Variants in LINS1 observed in about 807,000 individuals in gnomAD.
LINS1 encodes the protein protein Lines homolog 1.
In LINS1, 27 loss-of-function variants were observed where a neutral mutation model predicts 41.6. The ratio of observed to expected loss-of-function variants is 0.65; its 90% CI spans 0.48 to 0.89. The LOEUF (loss-of-function observed/expected upper bound fraction) is 0.89, where lower values mean the gene tolerates loss of function less well. Ranked by LOEUF, LINS1 falls within the 40% of genes least tolerant of loss-of-function variation. The pLI is 0.00. For missense variants in LINS1, 955 were observed against 884.1 expected, an observed-to-expected ratio of 1.08 and a Z score of -1.02; for synonymous variants, 336 against 312.9, an observed-to-expected ratio of 1.07 and a Z score of -0.78.
intron 1 of LINS1, among the ~76,000 whole-genome samples, chr15:100,595,418 C>T (rs1263432892): frequency 6.6e-6 from 1 of 151,954 alleles, no homozygotes; most frequent in Non-Finnish European, 1.5e-5. Context: ...GGCAAATAAT[C>T]CCACAGAAAG....
chr15:100,593,286 T>C (rs2039115024), intron 1 of LINS1, among the ~76,000 whole-genome samples: 1 of 152,202 alleles, frequency 6.6e-6, no homozygotes, highest in African/African-American at 2.4e-5. Context: ...GTGTTTTCTC[T>C]TGGCAGAGGA....
intron 1 of LINS1, among the ~76,000 whole-genome samples, chr15:100,594,875 T>A (rs1284053860): frequency 1.3e-5 from 2 of 152,116 alleles, no homozygotes; most frequent in Non-Finnish European, 2.9e-5. Flanking sequence ...AATCCGTGGA[T>A]ATGGAGGGCT....
intron 1 of LINS1, among the ~76,000 whole-genome samples, chr15:100,586,927 A>C (rs1415902654): frequency 1.3e-5 from 2 of 152,050 alleles, no homozygotes; most frequent in African/African-American, 2.4e-5. Context: ...CTTGGGAGCC[A>C]AGGCGGGCAG....
intron 1 of LINS1, among the ~76,000 whole-genome samples, chr15:100,587,281 T>TG (rs2038850803): frequency 1.3e-5 from 2 of 151,728 alleles, no homozygotes; most frequent in African/African-American, 4.8e-5. Flanking sequence ...TCACACTATG[T>TG]CTACTGTTTT....
At chr15:100,573,238 G>T in intron 5 of LINS1, 3 of 356,304 alleles carry the variant, frequency 8.4e-6, no homozygotes, top group Non-Finnish European at 1.2e-5. Context: ...CTCCCAGGTT[G>T]GGACAGGAGG....
intron 1 of LINS1, 104 bp from the exon 2 acceptor site, chr15:100,581,049 T>C: frequency 2.0e-6 from 1 of 500,574 alleles, no homozygotes; most frequent in South Asian, 3.5e-5. Flanking sequence ...TTAAAGGGGA[T>C]GCTGACTGCT....
chr15:100,579,470 GA>G (rs368732443), intron 3 of LINS1, among the ~76,000 whole-genome samples: 1,635 of 139,354 alleles, frequency 0.012, 31 homozygotes, highest in African/African-American at 0.038. Context: ...TGACAGTAAA[GA>G]AAAAAAAAAG....
chr15:100,583,047 T>C (rs2038637657), intron 1 of LINS1, among the ~76,000 whole-genome samples: 1 of 151,986 alleles, frequency 6.6e-6, no homozygotes. Context: ...CCCACCAGCC[T>C]AGTCTTGGTC....
intron 1 of LINS1, among the ~76,000 whole-genome samples, chr15:100,592,269 T>G (rs1347389231): frequency 6.6e-6 from 1 of 152,230 alleles, no homozygotes; most frequent in African/African-American, 2.4e-5. Context: ...TTGTATGTTT[T>G]GTGTGTCTTC....
At chr15:100,574,878 A>T (rs776363397) in intron 4 of LINS1, 109 bp downstream of exon 4, 73 of 1,159,500 alleles carry the variant, frequency 6.3e-5, no homozygotes, top group Non-Finnish European at 8.2e-5. Flanking sequence ...TGACTTTTTC[A>T]TTACTTTAAG....
intron 1 of LINS1, among the ~76,000 whole-genome samples, chr15:100,595,932 G>GA (rs2039224309): frequency 1.3e-5 from 2 of 152,174 alleles, no homozygotes; most frequent in African/African-American, 2.4e-5. Context: ...ACTTTTCACA[G>GA]AAAAAATAAA....
intron 3 of LINS1, 62 bp downstream of exon 3, chr15:100,580,201 C>A: frequency 7.8e-7 from 1 of 1,285,812 alleles, no homozygotes; most frequent in Non-Finnish European, 1.1e-6. Flanking sequence ...CTCCACAAAA[C>A]ATTTAAATTT....
Position 100,569,700 on chromosome 15 carries a change from C to T in LINS1, c.1812G>A (p.Val604=). 1 of 1,613,860 alleles carries T rather than the reference C, an allele frequency of 6.2e-7. No individual in the cohort carries two copies. The highest frequency in any genetic ancestry group is 8.5e-7 in the Non-Finnish European group (1 of 1,179,864). Residue 604 remains valine, a synonymous_variant, in exon 7 of 7, where the codon GTG becomes GTA. Transcript: ENST00000314742. ...ACATGGTGTGAGCCCCCTTGGACAT[C>T]ACAGCTTTCAGTGGTTCAGAGGGAG... ...SDAPSEPLKA[V]MSKGAHTMCA... is the part of the protein sequence containing the mutation.
intron 1 of LINS1, among the ~76,000 whole-genome samples, chr15:100,598,665 G>A (rs1168226331): frequency 4.6e-5 from 7 of 152,202 alleles, no homozygotes; most frequent in Non-Finnish European, 1.0e-4. Flanking sequence ...TTGCTGTGAT[G>A]ACCAAGGTCT....
rs1356787604 is a variant in LINS1, at chr15:100,568,844, G to A, written c.*394C>T. 2.2e-5 allele frequency: 4 copies of A among 181,872 alleles called. 1 individual carries two copies. The South Asian group carries it at 4.4e-4, about 20-fold the overall frequency. The allele number at this position is 181,872 out of a possible 1,614,324, so 11.3% of individuals were successfully genotyped here. On this transcript the variant is annotated 3_prime_UTR_variant, in exon 7 of 7. Coordinates refer to ENST00000314742, the MANE Select transcript of LINS1 (RefSeq NM_001040616.3). ...AGTAAGAACTTGTCTAGAAAACCCA[G>A]CCGGGCACAGTGGCTCATGCCTGTA...
chr15:100,578,406 C>T (rs2038320435), intron 3 of LINS1, among the ~76,000 whole-genome samples: 1 of 151,856 alleles, frequency 6.6e-6, no homozygotes, highest in African/African-American at 2.4e-5. Context: ...TTTATGCAGC[C>T]AACAGACACA....
rs570884212 is a variant in LINS1, at chr15:100,575,320, T to A, written c.490-192A>T. Among the ~76,000 whole-genome samples the A allele has an allele frequency of 8.1e-4, 122 of 151,214 alleles. 1 individual carries two copies. Among genetic ancestry groups the A allele is most frequent in the African/African-American group, 1.1e-3 (44 of 41,174 alleles). ...ATGCCACAGAAATAAAATAAAGGGATGGAGGAAGATCTACCAAGCAAATGG... is the reference window on the plus strand; with the variant it reads ...ATGCCACAGAAATAAAATAAAGGGAAGGAGGAAGATCTACCAAGCAAATGG... On this transcript the variant is annotated intron_variant, in intron 3 of 6. Transcript: ENST00000314742.
chr15:100,587,191 G>T (rs2038846732), intron 1 of LINS1, among the ~76,000 whole-genome samples: 1 of 132,658 alleles, frequency 7.5e-6, no homozygotes, highest in African/African-American at 2.7e-5. Flanking sequence ...AACATTAGCA[G>T]TTTGGCAATT....
At chr15:100,571,783 A>T in intron 6 of LINS1, 111 bp downstream of exon 6, 2 of 1,262,406 alleles carry the variant, frequency 1.6e-6, no homozygotes, top group Non-Finnish European at 2.3e-6. Context: ...CTGCAACAGG[A>T]TGTTTTCCCC....
Sources: allele counts gnomAD v4.1 joint callset (sites outside exome capture counted in the v4.1 genomes callset), GRCh38; gene constraint gnomAD v4.1.1; transcripts MANE v1.5; gene names NCBI Gene and HGNC (gene_info 2026-07-23, HGNC 2026-07-21).